C8A: variants seen among roughly 807,000 people sequenced by gnomAD.
C8A encodes complement C8 alpha chain, also known as complement component C8 alpha chain.
In C8A, 67 loss-of-function variants were observed where a neutral mutation model predicts 65.3. That is an observed-to-expected ratio of 1.03 (90% CI 0.84 to 1.26). C8A has a LOEUF of 1.26. Ranked by LOEUF, C8A falls within the 50% of genes most tolerant of loss-of-function variation. The probability of loss-of-function intolerance (pLI) is 0.00; values close to 1 mark genes in which losing one functional copy is unlikely to be tolerated. For missense variants in C8A, 781 were observed against 723.9 expected (o/e 1.08, Z -0.90); for synonymous variants, 290 against 259.4 (o/e 1.12, Z -1.13).
chr1:56,861,293 A>G (rs1369397877), intron 1 of C8A, among the ~76,000 whole-genome samples: 1 of 152,204 alleles, frequency 6.6e-6, no homozygotes, highest in Non-Finnish European at 1.5e-5. Context: ...AAGAAAATAA[A>G]TTAGGAACAT....
At chr1:56,859,994 C>T (rs545537438) in intron 1 of C8A, among the ~76,000 whole-genome samples, 5 of 152,080 alleles carry the variant, frequency 3.3e-5, no homozygotes, top group Admixed American at 6.5e-5. Flanking sequence ...ACCTGGGAGC[C>T]GGAGGCTGCA....
intron 1 of C8A, among the ~76,000 whole-genome samples, chr1:56,859,615 G>A (rs1231330775): frequency 1.3e-5 from 2 of 151,980 alleles, no homozygotes; most frequent in Admixed American, 6.6e-5. Flanking sequence ...AGCACACAGT[G>A]GATACTTTTT....
chr1:56,875,514 G>T (rs1644189870), intron 3 of C8A, among the ~76,000 whole-genome samples: 1 of 152,056 alleles, frequency 6.6e-6, no homozygotes, highest in Non-Finnish European at 1.5e-5. Flanking sequence ...TGGCCTAGTG[G>T]GTCTTTCTAG....
chr1:56,888,182 A>T (rs1279365243), intron 7 of C8A, among the ~76,000 whole-genome samples: 1 of 152,208 alleles, frequency 6.6e-6, no homozygotes, highest in African/African-American at 2.4e-5. Context: ...ATAGCAAGAT[A>T]TTTGAAAAAA....
At chr1:56,863,909 T>TCCTTCCTTTTTTCCCTCCCTCTTTC (rs1644059300) in intron 1 of C8A, among the ~76,000 whole-genome samples, 2 of 148,518 alleles carry the variant, frequency 1.3e-5, no homozygotes, top group Admixed American at 6.7e-5. Flanking sequence ...CTTCCTTTCT[T>TCCTTCCTTTTTTCCCTCCCTCTTTC]CCTTCCTTTT....
At chr1:56,907,279 T>A (rs529676238) in intron 8 of C8A, among the ~76,000 whole-genome samples, 1 of 152,284 alleles carries the variant, frequency 6.6e-6, no homozygotes, top group East Asian at 1.9e-4. Flanking sequence ...CAAACAGGTA[T>A]TGAGTTTTTT....
In C8A at chr1:56,876,219, T is replaced by C. The variant is rs544835564; in HGVS notation, c.464+10T>C. On this transcript the variant is annotated intron_variant, in intron 4 of 10. Coordinates refer to ENST00000361249, the MANE Select transcript of C8A (RefSeq NM_000562.3). ...AGAAGGCAGCCTTGGGGTGAGGCCC[T>C]GCCTACTAGCTATTTAGGAGCAGGG... 5.6e-5 allele frequency: 90 copies of C among 1,613,622 alleles called. No homozygotes were observed. Among genetic ancestry groups the C allele is most frequent in the Non-Finnish European group, 7.3e-5 (86 of 1,179,778 alleles).
At chr1:56,889,189 GC>G (rs1217377273) in intron 7 of C8A, among the ~76,000 whole-genome samples, 1 of 152,102 alleles carries the variant, frequency 6.6e-6, no homozygotes, top group African/African-American at 2.4e-5. Flanking sequence ...TTTGTGAAGA[GC>G]TGATTTTCTA....
intron 1 of C8A, among the ~76,000 whole-genome samples, chr1:56,866,826 G>T (rs183580652): frequency 6.6e-6 from 1 of 152,186 alleles, no homozygotes; most frequent in African/African-American, 2.4e-5. Context: ...GGTAAGAGAA[G>T]GATCGTGGGC....
At position 56,891,656 on chromosome 1, in the gene C8A, G is replaced by T. The variant is rs1163432068; in HGVS notation, c.1096+5489G>T. ...GGAATTTATAGATAGACTGGGTGTG[G>T]ATTGTGAGGTGTCAATTACTCCTTT... On this transcript the variant is annotated intron_variant, in intron 7 of 10. Coordinates refer to ENST00000361249, the MANE Select transcript of C8A (RefSeq NM_000562.3). 3.3e-5 allele frequency among the ~76,000 whole-genome samples: 5 copies of T among 152,116 alleles called. No homozygotes were observed. The East Asian group carries it at 9.7e-4, about 29-fold the overall frequency.
At chr1:56,902,483 C>T (rs1164509210) in intron 7 of C8A, among the ~76,000 whole-genome samples, 1 of 152,034 alleles carries the variant, frequency 6.6e-6, no homozygotes, top group Non-Finnish European at 1.5e-5. Context: ...CTGATCATTC[C>T]CTATTTTTAA....
chr1:56,895,733 GT>G (rs1644382967), intron 7 of C8A, among the ~76,000 whole-genome samples: 1 of 152,126 alleles, frequency 6.6e-6, no homozygotes, highest in Non-Finnish European at 1.5e-5. Flanking sequence ...GAGCCCAGGA[GT>G]TTGAGACCAG....
At chr1:56,863,856 A>T (rs373351273) in intron 1 of C8A, among the ~76,000 whole-genome samples, 7 of 54,244 alleles carry the variant, frequency 1.3e-4, no homozygotes, top group Admixed American at 2.1e-4. Flanking sequence ...CTTCCCTCCC[A>T]CCCTCTCTCC....
At chr1:56,857,247 C>T (rs770737739) in intron 1 of C8A, among the ~76,000 whole-genome samples, 79 of 151,598 alleles carry the variant, frequency 5.2e-4, no homozygotes, top group Non-Finnish European at 7.5e-4. Context: ...TGTGGATTTG[C>T]CTACTTACAG....
intron 7 of C8A, among the ~76,000 whole-genome samples, chr1:56,891,222 C>T (rs1415647475): frequency 6.6e-6 from 1 of 151,960 alleles, no homozygotes; most frequent in Admixed American, 6.6e-5. Flanking sequence ...GGTGAAGGTG[C>T]TCTGGGTGAG....
intron 7 of C8A, among the ~76,000 whole-genome samples, chr1:56,890,636 T>C (rs1644337324): frequency 6.6e-6 from 1 of 152,086 alleles, no homozygotes; most frequent in South Asian, 2.1e-4. Flanking sequence ...TCTTTCTTTG[T>C]TGTTGTTGTT....
At position 56,908,044 on chromosome 1, in the gene C8A, C is replaced by T. The variant is rs758920137; in HGVS notation, c.1311C>T (p.Asn437=). The T allele has an allele frequency of 1.9e-5, 31 of 1,614,008 alleles. No individual in the cohort carries two copies. The highest frequency in any genetic ancestry group is 2.2e-5 in the Non-Finnish European group (26 of 1,180,012). The change falls in exon 9 of 11, where the codon AAC becomes AAT. Residue 437 remains asparagine (N), a synonymous_variant. Coordinates refer to ENST00000361249, the MANE Select transcript of C8A (RefSeq NM_000562.3). ...GCTGGAGCGGTGGCTTGGCACAGAA[C>T]AGGAGCACCATTACATACCGTTCCT... ...SSGWSGGLAQ[N]RSTITYRSWG... is the part of the protein sequence containing the mutation.
intron 7 of C8A, among the ~76,000 whole-genome samples, chr1:56,899,250 C>A (rs914018040): frequency 6.6e-6 from 1 of 152,134 alleles, no homozygotes; most frequent in Non-Finnish European, 1.5e-5. Context: ...CTGAGAACAG[C>A]TTCATACTTA....
chr1:56,869,394 C>A (rs1456897411), intron 2 of C8A, among the ~76,000 whole-genome samples: 2 of 152,112 alleles, frequency 1.3e-5, no homozygotes, highest in Admixed American at 1.3e-4. Flanking sequence ...TGTATATGTA[C>A]CACATTTTCT....
Sources: gnomAD v4.1 joint callset for allele counts (sites outside exome capture counted in the v4.1 genomes callset) on GRCh38, gnomAD v4.1.1 for gene constraint, MANE v1.5 for transcripts, NCBI Gene and HGNC (gene_info 2026-07-23, HGNC 2026-07-21) for gene names.